PRP4K: variants seen among roughly 807,000 people sequenced by gnomAD.
PRP4K encodes pre-mRNA processing factor kinase PRP4K.
chr6:4,064,480 A>G, the PRP4K span: 1 of 152,600 alleles, frequency 6.6e-6, no homozygotes, highest in Non-Finnish European at 1.5e-5. Context: ...TAGTTAAGAA[A>G]TGGCCCTTTT....
the PRP4K span, among the ~76,000 whole-genome samples, chr6:4,030,800 C>T: frequency 2.0e-5 from 3 of 152,158 alleles, no homozygotes; most frequent in African/African-American, 7.2e-5. Context: ...TTACAAAAGG[C>T]CCTTCCATGT....
chr6:4,050,955 G>A, the PRP4K span, among the ~76,000 whole-genome samples: 1 of 152,158 alleles, frequency 6.6e-6, no homozygotes, highest in Non-Finnish European at 1.5e-5. Flanking sequence ...AGGCTGGAGT[G>A]CAGTGGCATG....
At chr6:4,039,015 G>A in the PRP4K span, among the ~76,000 whole-genome samples, 5 of 150,894 alleles carry the variant, frequency 3.3e-5, 1 homozygote, top group South Asian at 6.3e-4. Flanking sequence ...TCTGGAAATA[G>A]TATTTTCTGT....
the PRP4K span, among the ~76,000 whole-genome samples, chr6:4,041,820 G>T: frequency 6.6e-6 from 1 of 152,192 alleles, no homozygotes; most frequent in Non-Finnish European, 1.5e-5. Flanking sequence ...TTAAAACCAG[G>T]TGATTAAAGT....
chr6:4,061,718 TTTTA>T, the PRP4K span: 7 of 152,668 alleles, frequency 4.6e-5, no homozygotes, highest in Admixed American at 2.6e-4. Flanking sequence ...CTTCTTTACC[TTTTA>T]TTTCTTTTGT....
the PRP4K span, among the ~76,000 whole-genome samples, chr6:4,026,302 C>G: frequency 1.0e-4 from 11 of 110,448 alleles, no homozygotes; most frequent in South Asian, 3.3e-3. Context: ...CTGTGCCCAG[C>G]CTTTTTTTTT....
chr6:4,046,010 A>G, the PRP4K span, among the ~76,000 whole-genome samples: 5 of 152,146 alleles, frequency 3.3e-5, no homozygotes, highest in Non-Finnish European at 7.4e-5. Flanking sequence ...ACTCCTTTTT[A>G]TAGGCTCCGC....
At chr6:4,042,784 A>G in the PRP4K span, among the ~76,000 whole-genome samples, 15 of 152,302 alleles carry the variant, frequency 9.8e-5, no homozygotes, top group African/African-American at 3.4e-4. Context: ...TTGTTTATAC[A>G]TAGAATTCTG....
the PRP4K span, chr6:4,056,798 A>G: frequency 1.2e-5 from 16 of 1,300,046 alleles, no homozygotes; most frequent in South Asian, 2.1e-4. Context: ...GAGAAGAAAT[A>G]CATATTTTCT....
At chr6:4,037,630 G>A in the PRP4K span, 2 of 1,510,972 alleles carry the variant, frequency 1.3e-6, no homozygotes, top group Non-Finnish European at 1.8e-6. Flanking sequence ...CCACCAGTGA[G>A]CTCACTTGGT....
chr6:4,049,978 G>T, the PRP4K span: 5 of 1,276,940 alleles, frequency 3.9e-6, no homozygotes, highest in South Asian at 3.3e-5. Context: ...GATAGAATGT[G>T]TAAAACAAGT....
chr6:4,033,285 AATAC>A, the PRP4K span, among the ~76,000 whole-genome samples: 2 of 152,224 alleles, frequency 1.3e-5, no homozygotes, highest in African/African-American at 2.4e-5. Flanking sequence ...ATTTTGTATT[AATAC>A]ATATAATCTC....
the PRP4K span, chr6:4,040,624 A>G: frequency 1.2e-6 from 1 of 851,820 alleles, no homozygotes. Flanking sequence ...CCTTTTTAAA[A>G]AATAGACTAT....
chr6:4,033,667 C>T, the PRP4K span, among the ~76,000 whole-genome samples: 1 of 151,974 alleles, frequency 6.6e-6, no homozygotes, highest in Non-Finnish European at 1.5e-5. Context: ...AATTCCTAGC[C>T]GTTTACTGTG....
At chr6:4,063,738 T>C in the PRP4K span, 1 of 152,170 alleles carries the variant, frequency 6.6e-6, no homozygotes, top group Non-Finnish European at 1.5e-5. Context: ...CACTCTGTAA[T>C]TTTGCTGAGG....
At chr6:4,032,795 A>C in the PRP4K span, 3 of 1,454,806 alleles carry the variant, frequency 2.1e-6, no homozygotes, top group Admixed American at 2.6e-5. Flanking sequence ...TTACCAGTGC[A>C]TGAGATTTTA....
chr6:4,057,785 T>TG, the PRP4K span, among the ~76,000 whole-genome samples: 2 of 137,994 alleles, frequency 1.4e-5, no homozygotes, highest in Non-Finnish European at 3.1e-5. Context: ...GACGGAGTCT[T>TG]GCTTTGTCGC....
the PRP4K span, chr6:4,032,142 A>G: frequency 6.2e-7 from 1 of 1,613,454 alleles, no homozygotes; most frequent in Non-Finnish European, 8.5e-7. Flanking sequence ...TGAAATCGTT[A>G]AAGAGAAAAC....
At chr6:4,031,782 A>G in the PRP4K span, 3 of 1,610,008 alleles carry the variant, frequency 1.9e-6, no homozygotes, top group Non-Finnish European at 2.5e-6. Flanking sequence ...TGCTTCTGAT[A>G]AAGAGGGTAT....
Sources: gnomAD v4.1 joint callset for allele counts (sites outside exome capture counted in the v4.1 genomes callset) on GRCh38, gnomAD v4.1.1 for gene constraint, MANE v1.5 for transcripts, NCBI Gene and HGNC (gene_info 2026-07-23, HGNC 2026-07-21) for gene names.